Variants in TRMT11 observed in about 807,000 individuals in gnomAD.
The protein encoded by TRMT11 is tRNA methyltransferase 11, also known as tRNA (guanine(10)-N(2))-methyltransferase TRMT11.
In TRMT11, 53 loss-of-function variants were observed where a neutral mutation model predicts 62.8. The ratio of observed to expected loss-of-function variants is 0.84; its 90% CI spans 0.68 to 1.06. The LOEUF is 1.06. Among genes scored for constraint, TRMT11 ranks in the 50% least tolerant of loss-of-function variants. TRMT11 has a pLI of 0.00. For synonymous variants in TRMT11, 188 were observed against 190.3 expected, an observed-to-expected ratio of 0.99 and a Z score of 0.10; for missense variants, 556 against 553.4, an observed-to-expected ratio of 1.00 and a Z score of -0.05.
intron 17 of TRMT11, among the ~76,000 whole-genome samples, chr6:126,088,403 A>T (rs903657454): frequency 2.6e-5 from 4 of 152,200 alleles, no homozygotes; most frequent in Non-Finnish European, 4.4e-5. Flanking sequence ...AAAAATACAG[A>T]TGGTAAGGCC....
downstream of TRMT11, among the ~76,000 whole-genome samples, chr6:126,043,463 T>C (rs1304372900): frequency 2.0e-5 from 3 of 150,636 alleles, no homozygotes; most frequent in African/African-American, 7.3e-5. Flanking sequence ...TTGTTGGACA[T>C]TTGGGTTGGT....
At chr6:126,244,410 C>T in the TRMT11 span, among the ~76,000 whole-genome samples, 1 of 152,304 alleles carries the variant, frequency 6.6e-6, no homozygotes, top group East Asian at 1.9e-4. Context: ...CCGCCTTTCA[C>T]TTTTACCTTT....
At chr6:125,986,748 T>TCA in intron 1 of TRMT11, 126 bp downstream of exon 1, 1 of 893,606 alleles carries the variant, frequency 1.1e-6, no homozygotes, top group Non-Finnish European at 1.7e-6. Flanking sequence ...TCTGCGCGGG[T>TCA]CACGCGTCCC....
intron 12 of TRMT11, among the ~76,000 whole-genome samples, chr6:126,038,363 T>A (rs1354893053): frequency 6.7e-6 from 1 of 150,258 alleles, no homozygotes; most frequent in Non-Finnish European, 1.5e-5. Context: ...GACTTCAGTG[T>A]GTGCTGAACT....
At chr6:126,171,576 T>C (rs1053820728) in intron 21 of TRMT11, among the ~76,000 whole-genome samples, 16 of 152,160 alleles carry the variant, frequency 1.1e-4, no homozygotes, top group African/African-American at 2.4e-4. Context: ...ACTGCTCTTA[T>C]AGTATTCTTA....
At chr6:126,002,214 G>A (rs2128778489) in intron 7 of TRMT11, among the ~76,000 whole-genome samples, 1 of 152,258 alleles carries the variant, frequency 6.6e-6, no homozygotes, top group African/African-American at 2.4e-5. Context: ...GCATGTAAGT[G>A]CATGTGCAAA....
chr6:126,044,940 T>C lies in TRMT11; in HGVS notation c.*1369+4095T>C, dbSNP rs549215674. 1.5e-3 allele frequency among the ~76,000 whole-genome samples: 227 copies of C among 152,174 alleles called. 1 individual carries two copies. The highest frequency in any genetic ancestry group is 5.4e-3 in the African/African-American group (223 of 41,544). On this transcript the variant is annotated intron_variant and NMD_transcript_variant, in intron 16 of 22. Coordinates refer to the TRMT11 transcript ENST00000648977. ...GTGGCTCATGCCTGTAATCCCAGCA[T>C]TTTGGGAGGCTGAGGCAGGTGGATC... is the stretch of plus-strand genomic sequence containing the variant.
At chr6:126,021,756 T>G (rs1795843642) in intron 12 of TRMT11, among the ~76,000 whole-genome samples, 1 of 152,244 alleles carries the variant, frequency 6.6e-6, no homozygotes, top group East Asian at 1.9e-4. Flanking sequence ...TACAAAATTC[T>G]TACTCTCTTA....
the TRMT11 span, among the ~76,000 whole-genome samples, chr6:126,235,619 G>A: frequency 6.6e-6 from 1 of 152,122 alleles, no homozygotes; most frequent in African/African-American, 2.4e-5. Context: ...AAATACCATG[G>A]TGTACTCCTT....
At chr6:126,224,654 TC>T in the TRMT11 span, among the ~76,000 whole-genome samples, 259 of 152,246 alleles carry the variant, frequency 1.7e-3, 2 homozygotes, top group African/African-American at 5.9e-3. Flanking sequence ...CGCAGCAGGG[TC>T]CACACACATG....
At chr6:126,078,295 CAAT>C (rs1334990325) in intron 17 of TRMT11, among the ~76,000 whole-genome samples, 1 of 152,074 alleles carries the variant, frequency 6.6e-6, no homozygotes, top group Non-Finnish European at 1.5e-5. Flanking sequence ...CATGTAGGAA[CAAT>C]GCTGTGCACT....
intron 17 of TRMT11, among the ~76,000 whole-genome samples, chr6:126,099,216 A>G (rs73773356): frequency 0.041 from 6,303 of 152,268 alleles, 416 homozygotes; most frequent in African/African-American, 0.14. Context: ...CAGGGGAGAA[A>G]ATTTTCCCCA....
the TRMT11 span, among the ~76,000 whole-genome samples, chr6:126,255,178 G>A: frequency 6.6e-6 from 1 of 152,000 alleles, no homozygotes; most frequent in African/African-American, 2.4e-5. Flanking sequence ...ACTGACTTTA[G>A]TTAAGAGAAA....
At chr6:126,267,855 G>C in the TRMT11 span, among the ~76,000 whole-genome samples, 2 of 152,018 alleles carry the variant, frequency 1.3e-5, no homozygotes, top group African/African-American at 4.8e-5. Context: ...GGTGATTAAG[G>C]GTTTCCTGAC....
In TRMT11 at chr6:126,014,304, A is replaced by ACCATCCACTCCAGACTGGAGTAC. The variant is rs552224754; in HGVS notation, c.1139+1204_1139+1205insCATCCACTCCAGACTGGAGTACC. ...TTCACTTTGTCACCCAGACTGGAGT[A>ACCATCCACTCCAGACTGGAGTAC]CAGTGGCACCATCTCAGCTCACTGA... On this transcript the variant is annotated intron_variant, in intron 11 of 12. Transcript: ENST00000334379. Among the ~76,000 whole-genome samples, 843 of 152,242 alleles carry ACCATCCACTCCAGACTGGAGTAC rather than the reference A, an allele frequency of 5.5e-3. 2 individuals are homozygous for ACCATCCACTCCAGACTGGAGTAC. Among genetic ancestry groups the ACCATCCACTCCAGACTGGAGTAC allele is most frequent in the Non-Finnish European group, 0.01 (688 of 68,008 alleles).
chr6:126,077,986 G>C (rs1777068999), intron 17 of TRMT11, among the ~76,000 whole-genome samples: 1 of 152,164 alleles, frequency 6.6e-6, no homozygotes, highest in Non-Finnish European at 1.5e-5. Flanking sequence ...TTTCAAGACA[G>C]ACTGGGGTTT....
chr6:126,016,585 A>G (rs923889194), intron 11 of TRMT11, among the ~76,000 whole-genome samples: 1 of 152,156 alleles, frequency 6.6e-6, no homozygotes. Context: ...AAAAGTGGCC[A>G]CTGGATATTT....
intron 17 of TRMT11, among the ~76,000 whole-genome samples, chr6:126,076,449 A>AT (rs1299195440): frequency 2.0e-5 from 3 of 152,216 alleles, no homozygotes; most frequent in African/African-American, 7.2e-5. Flanking sequence ...GCATTGATAG[A>AT]TAGAACCTTT....
upstream of TRMT11, among the ~76,000 whole-genome samples, chr6:126,173,097 C>T (rs1778348565): frequency 6.6e-6 from 1 of 152,160 alleles, no homozygotes; most frequent in African/African-American, 2.4e-5. Flanking sequence ...AAACATTATT[C>T]TGGTGCTCAG....
Sources: allele counts gnomAD v4.1 joint callset (sites outside exome capture counted in the v4.1 genomes callset), GRCh38; gene constraint gnomAD v4.1.1; transcripts MANE v1.5; gene names NCBI Gene and HGNC (gene_info 2026-07-23, HGNC 2026-07-21).